ABCB11: variants seen among roughly 807,000 people sequenced by gnomAD.
The protein encoded by ABCB11 is ATP binding cassette subfamily B member 11.
In ABCB11, 95 loss-of-function variants were observed where a neutral mutation model predicts 148.0. The observed-to-expected ratio is 0.64, with a 90% CI of 0.54 to 0.76. The LOEUF (loss-of-function observed/expected upper bound fraction) is 0.76, where lower values mean the gene tolerates loss of function less well. Ranked by LOEUF, ABCB11 falls within the 30% of genes least tolerant of loss-of-function variation. The pLI, the probability that ABCB11 is intolerant of heterozygous loss-of-function variation, is 0.00. For missense variants in ABCB11, 1,523 were observed against 1,617.8 expected, an observed-to-expected ratio of 0.94 and a Z score of 1.01; for synonymous variants, 591 against 555.4, an observed-to-expected ratio of 1.06 and a Z score of -0.90.
chr2:168,955,851 G>A (rs1692765324), intron 19 of ABCB11, among the ~76,000 whole-genome samples: 2 of 151,618 alleles, frequency 1.3e-5, no homozygotes, highest in South Asian at 2.1e-4. Context: ...CAAGCATTGG[G>A]TAAATCCTTC....
Position 168,936,406 on chromosome 2 carries a change from C to T in ABCB11, c.2638G>A (p.Val880Ile). The T allele has an allele frequency of 6.2e-7, 1 of 1,613,896 alleles. No individual in the cohort carries two copies. The highest frequency in any genetic ancestry group is 1.3e-5 in the African/African-American group (1 of 75,020). ...ACAGTGACGTTAGTGAAGGAATTGA[C>T]TATCATCCCGATCTGAGAGCCGGCA... ...GAAGSQIGMI[V>I]NSFTNVTVAM... The change falls in exon 22 of 28, where the codon GTC becomes ATC. Residue 880 changes from valine to isoleucine, a missense_variant. Val to Ile is a conservative substitution (Grantham distance 29, BLOSUM62 3). Coordinates refer to ENST00000650372, the MANE Select transcript of ABCB11 (RefSeq NM_003742.4).
chr2:169,013,300 G>A lies in ABCB11; in HGVS notation c.361C>T (p.Gln121Ter). Residue 121 changes from glutamine to a stop codon, truncating the protein, a stop_gained, in exon 5 of 28, where the codon CAG becomes TAG. Coordinates refer to ENST00000650372, the MANE Select transcript of ABCB11 (RefSeq NM_003742.4). LOFTEE classifies it high-confidence loss of function. ...TIVWTNSSLN[Q>*]NMTNGTRCGL... ...CAACGTGTTCCATTTGTCATGTTCT[G>A]GTTGAGGGAACTGTTAGTCCATACA... The A allele has an allele frequency of 6.2e-7, 1 of 1,613,066 alleles. No homozygotes were observed.
chr2:168,956,410 C>T (rs1692794602), intron 19 of ABCB11, among the ~76,000 whole-genome samples: 1 of 151,636 alleles, frequency 6.6e-6, no homozygotes, highest in South Asian at 2.1e-4. Context: ...TTCCTATGTT[C>T]TTCCATTGAT....
intron 21 of ABCB11, among the ~76,000 whole-genome samples, chr2:168,942,751 T>C (rs1198290686): frequency 1.3e-5 from 2 of 151,700 alleles, no homozygotes; most frequent in Non-Finnish European, 2.9e-5. Context: ...TTGGTATCTA[T>C]CTACAAAAAT....
At chr2:168,982,418 A>G (rs1215587919) in intron 10 of ABCB11, among the ~76,000 whole-genome samples, 1 of 152,126 alleles carries the variant, frequency 6.6e-6, no homozygotes, top group African/African-American at 2.4e-5. Context: ...CACTTTGTAT[A>G]TACTGAATGA....
intron 1 of ABCB11, among the ~76,000 whole-genome samples, chr2:169,025,303 G>A (rs1260942799): frequency 6.6e-6 from 1 of 152,100 alleles, no homozygotes; most frequent in Non-Finnish European, 1.5e-5. Context: ...TACGTAGTTG[G>A]ATTTATTTTA....
At chr2:168,992,981 C>G (rs576639980) in intron 8 of ABCB11, among the ~76,000 whole-genome samples, 1 of 152,048 alleles carries the variant, frequency 6.6e-6, no homozygotes, top group African/African-American at 2.4e-5. Context: ...TGTGGCTGCT[C>G]TAATAATAAT....
intron 10 of ABCB11, among the ~76,000 whole-genome samples, chr2:168,984,622 C>T (rs896853765): frequency 3.9e-5 from 6 of 152,040 alleles, no homozygotes; most frequent in Admixed American, 6.6e-5. Flanking sequence ...CTCAGTTATA[C>T]GAGCTGTTAA....
rs1691142509 is a variant in ABCB11, at chr2:168,923,095, A to C, written c.*527T>G. On this transcript the variant is annotated 3_prime_UTR_variant, in exon 28 of 28. Transcript: ENST00000650372. ...CTTAGAGATGAAGGAAGCTGGTTTC[A>C]CTTGAAAGACAAATTTAGTTAAGAA... 1 of 156,632 alleles carries C rather than the reference A, an allele frequency of 6.4e-6. No individual in the cohort carries two copies. The highest frequency in any genetic ancestry group is 2.4e-5 in the African/African-American group (1 of 41,480). The allele number at this position is 156,632 out of a possible 1,614,324, so 9.7% of individuals were successfully genotyped here.
chr2:168,930,750 A>G lies in ABCB11; in HGVS notation c.3326T>C (p.Leu1109Pro), dbSNP rs1553545883. The G allele has an allele frequency of 6.2e-7, 1 of 1,611,396 alleles. No individual in the cohort carries two copies. Residue 1109 changes from leucine (L) to proline (P), a missense_variant, in exon 25 of 28, where the codon CTG becomes CCG. Coordinates refer to ENST00000650372, the MANE Select transcript of ABCB11 (RefSeq NM_003742.4). ...LSVSISPGQT[L>P]AFVGSSGCGK... ...ACATCCACTGCTCCCAACAAACGCC[A>G]GTGTCTGCCCTGGACTAATCGACAC...
intron 19 of ABCB11, among the ~76,000 whole-genome samples, chr2:168,947,647 G>A (rs1692386000): frequency 6.6e-6 from 1 of 151,762 alleles, no homozygotes; most frequent in Non-Finnish European, 1.5e-5. Context: ...AAAGCATCAT[G>A]AGTTTACTAA....
chr2:168,935,091 T>A (rs1054199112), intron 23 of ABCB11, 93 bp downstream of exon 23: 5 of 1,511,736 alleles, frequency 3.3e-6, no homozygotes, highest in Non-Finnish European at 4.5e-6. Context: ...AAGCTTGGGA[T>A]GGTTTGCTAA....
chr2:169,025,530 G>C (rs1024160425), intron 1 of ABCB11, among the ~76,000 whole-genome samples: 7 of 152,078 alleles, frequency 4.6e-5, no homozygotes, highest in Admixed American at 3.9e-4. Context: ...GCCCTTCCAG[G>C]GTCATTTGTA....
At chr2:168,978,132 C>CTTTTTT (rs35964117) in intron 11 of ABCB11, among the ~76,000 whole-genome samples, 10 of 53,132 alleles carry the variant, frequency 1.9e-4, no homozygotes, top group African/African-American at 4.3e-4. Flanking sequence ...AATAAATTGA[C>CTTTTTT]TTTTTTTTTT....
intron 19 of ABCB11, among the ~76,000 whole-genome samples, chr2:168,950,134 T>TACAC (rs767462084): frequency 5.4e-5 from 4 of 74,564 alleles, no homozygotes; most frequent in South Asian, 6.7e-4. Flanking sequence ...CTCCCATATA[T>TACAC]ATATATACAC....
rs55859131 is a variant in ABCB11 at position 168,979,672 on chromosome 2, C to CAAA, written c.1197+191_1197+193dup. 3.3e-4 allele frequency among the ~76,000 whole-genome samples: 33 copies of CAAA among 100,102 alleles called. 1 individual carries two copies. In the East Asian group the frequency reaches 4.9e-3, roughly 15 times the overall value. The allele number at this position is 100,102 out of a possible 152,430, so 65.7% of individuals were successfully genotyped here. ...GGGCAACAAGAGCGAAACTCCATCTCAAAAAAAAAAAAAAAAAAAAAAAAA... is the reference window on the plus strand; with the variant it reads ...GGGCAACAAGAGCGAAACTCCATCTCAAAAAAAAAAAAAAAAAAAAAAAAAAAA... On this transcript the variant is annotated intron_variant, in intron 11 of 27. Transcript: ENST00000650372.
chr2:168,922,460 TC>T lies in ABCB11; in HGVS notation c.*1161del, dbSNP rs1384253536. ...CATTCTTCTGTCTTCAGTCCCTCTG[TC>T]CCCTTGTCTCCTCCTTCCAGAAGGA... On this transcript the variant is annotated 3_prime_UTR_variant, in exon 28 of 28. Transcript: ENST00000650372. Among the ~76,000 whole-genome samples, 3 of 152,190 alleles carry T rather than the reference TC, an allele frequency of 2.0e-5. No individual in the cohort carries two copies. The highest frequency in any genetic ancestry group is 2.9e-5 in the Non-Finnish European group (2 of 68,038).
Position 168,923,583 on chromosome 2 carries a change from A to C in ABCB11, c.*39T>G, listed in dbSNP as rs774339728. The C allele has an allele frequency of 3.8e-6, 6 of 1,596,478 alleles. No individual in the cohort carries two copies. In the African/African-American group the frequency reaches 5.4e-5, roughly 14 times the overall value. The stretch of plus-strand genomic sequence containing the variant: ...TTTTTTCTTTAAAAACAACCCCTGT[A>C]ACTGGTGCGTCATGTGTGTCTGAGA... On this transcript the variant is annotated 3_prime_UTR_variant, in exon 28 of 28. Coordinates refer to ENST00000650372, the MANE Select transcript of ABCB11 (RefSeq NM_003742.4).
At chr2:168,969,278 A>G (rs1693462291) in intron 16 of ABCB11, 72 bp downstream of exon 16, 3 of 1,390,608 alleles carry the variant, frequency 2.2e-6, no homozygotes, top group East Asian at 2.5e-5. Flanking sequence ...ATTGAAATAC[A>G]TAGAAAACCG....
Sources: gnomAD v4.1 joint callset for allele counts (sites outside exome capture counted in the v4.1 genomes callset) on GRCh38, gnomAD v4.1.1 for gene constraint, MANE v1.5 for transcripts, NCBI Gene and HGNC (gene_info 2026-07-23, HGNC 2026-07-21) for gene names.